Variants in ABCA1 observed in about 807,000 individuals in gnomAD.
ABCA1 encodes phospholipid-transporting ATPase ABCA1.
ABCA1 carries 133 observed loss-of-function variants against 262.5 expected under a neutral mutation model. That is an observed-to-expected ratio of 0.51 (90% CI 0.44 to 0.59). The LOEUF (loss-of-function observed/expected upper bound fraction) is 0.59, where lower values mean the gene tolerates loss of function less well. Among genes scored for constraint, ABCA1 ranks in the 20% least tolerant of loss-of-function variants. ABCA1 has a pLI of 0.00. For synonymous variants in ABCA1, 1,022 were observed against 1,043.5 expected (o/e 0.98, Z 0.40); for missense variants, 2,452 against 2,777.5 (o/e 0.88, Z 2.63).
chr9:104,824,556 G>A lies in ABCA1; in HGVS notation c.2565C>T (p.Pro855=). 1.2e-6 allele frequency: 2 copies of A among 1,613,922 alleles called. No individual in the cohort carries two copies. The highest frequency in any genetic ancestry group is 1.1e-5 in the South Asian group (1 of 91,070). Residue 855 remains proline (P), a synonymous_variant, in exon 18 of 50, where the codon CCC becomes CCT. Coordinates refer to ENST00000374736, the MANE Select transcript of ABCA1 (RefSeq NM_005502.4). The stretch of plus-strand genomic sequence containing the variant: ...AGGACTTGGTGCAAGGAAAATACCA[G>A]GGCCTGGGAATTCCGTACTGGCCTG... ...VFPGQYGIPR[P]WYFPCTKSYW...
intron 4 of ABCA1, 62 bp downstream of exon 4, chr9:104,884,365 C>T: frequency 4.4e-6 from 7 of 1,604,730 alleles, no homozygotes; most frequent in South Asian, 1.1e-5. Context: ...CTCCAGAGGA[C>T]AAGAAAGGAA....
chr9:104,890,662 G>C (rs1839646468), intron 2 of ABCA1, among the ~76,000 whole-genome samples: 1 of 151,604 alleles, frequency 6.6e-6, no homozygotes, highest in African/African-American at 2.4e-5. Context: ...ACGATCCGGA[G>C]ATCATAGCTC....
chr9:104,883,971 T>C (rs780572988), intron 4 of ABCA1, among the ~76,000 whole-genome samples: 22 of 152,182 alleles, frequency 1.4e-4, no homozygotes, highest in Admixed American at 3.3e-4. Context: ...GCAGACATTG[T>C]AGTCTGATGG....
At chr9:104,864,331 T>C (rs1836887080) in intron 5 of ABCA1, among the ~76,000 whole-genome samples, 1 of 151,924 alleles carries the variant, frequency 6.6e-6, no homozygotes, top group African/African-American at 2.4e-5. Flanking sequence ...ACAGGACTTC[T>C]AACCACTGGA....
chr9:104,785,450 G>A lies in ABCA1; in HGVS notation c.6591C>T (p.Ser2197=). 1 of 1,109,100 alleles carries A rather than the reference G, an allele frequency of 9.0e-7. No individual in the cohort carries two copies. The highest frequency in any genetic ancestry group is 1.3e-6 in the Non-Finnish European group (1 of 755,886). 68.7% of individuals were successfully genotyped at this position (1,109,100 alleles called of 1,614,324 possible). A position where few individuals can be genotyped will look rare whatever the true frequency, so the allele number is the denominator to read the frequency against. ...LARIFSILSQ[S]KKRLHIEDYS... is the part of the protein sequence containing the mutation. ...AGTCTTCTATGTGGAGTCGCTTTTT[G>A]CTCTGGGAGAGGATGCTGAATATCC... The change falls in exon 49 of 50, where the codon AGC becomes AGT. Residue 2197 remains serine (S), a synonymous_variant. Transcript: ENST00000374736.
chr9:104,864,924 G>A (rs917183002), intron 5 of ABCA1, among the ~76,000 whole-genome samples: 6 of 152,156 alleles, frequency 3.9e-5, no homozygotes, highest in Non-Finnish European at 5.9e-5. Flanking sequence ...TGAATCCCCC[G>A]GATGAGACAT....
At chr9:104,845,626 T>C (rs961560152) in intron 7 of ABCA1, 57 bp from the exon 8 acceptor site, 16 of 1,230,194 alleles carry the variant, frequency 1.3e-5, no homozygotes, top group East Asian at 2.3e-5. Context: ...GAAATCTCTA[T>C]TGGAAATAAA....
At position 104,832,567 on chromosome 9, in the gene ABCA1, G is replaced by C. The variant is rs1018476999; in HGVS notation, c.1509+7C>G. On this transcript the variant is annotated splice_region_variant and intron_variant, in intron 12 of 49. Transcript: ENST00000374736. ...TCTTTTCTAAATGATCCCAGCAACA[G>C]ATTCACCTCCATGAAGCGAGATATG... is the stretch of plus-strand genomic sequence containing the variant. 6.2e-7 allele frequency: 1 copy of C among 1,614,006 alleles called. No homozygotes were observed. The highest frequency in any genetic ancestry group is 8.5e-7 in the Non-Finnish European group (1 of 1,179,988).
intron 15 of ABCA1, among the ~76,000 whole-genome samples, chr9:104,827,565 T>C (rs960882186): frequency 6.6e-6 from 1 of 152,152 alleles, no homozygotes; most frequent in African/African-American, 2.4e-5. Flanking sequence ...CCAAGGAAAA[T>C]GGCCAGGCAA....
chr9:104,834,423 T>C (rs1389353529), intron 11 of ABCA1, among the ~76,000 whole-genome samples: 4 of 149,450 alleles, frequency 2.7e-5, no homozygotes, highest in Admixed American at 6.8e-5. Flanking sequence ...TTTGTTAACA[T>C]AACAGACACA....
At chr9:104,814,586 A>G (rs1172908812) in intron 25 of ABCA1, 111 bp from the exon 26 acceptor site, 17 of 1,087,826 alleles carry the variant, frequency 1.6e-5, no homozygotes, top group Non-Finnish European at 1.8e-5. Flanking sequence ...AAGACAGAGA[A>G]AGTAGAAGCC....
chr9:104,836,045 G>A (rs893821263), intron 11 of ABCA1, among the ~76,000 whole-genome samples: 1 of 152,214 alleles, frequency 6.6e-6, no homozygotes, highest in Non-Finnish European at 1.5e-5. Context: ...CTTTAGAGAA[G>A]AGACCCCACT....
At chr9:104,916,674 AACAAGTCCTTTTTTTTGTTTCTTG>A (rs1361392089) in intron 1 of ABCA1, among the ~76,000 whole-genome samples, 2 of 152,146 alleles carry the variant, frequency 1.3e-5, no homozygotes, top group Non-Finnish European at 2.9e-5. Context: ...TGGAACAGAA[AACAAGTCCTTTTTTTTGTTTCTTG>A]ACACAGAGTT....
rs550213066 is a variant in ABCA1, at chr9:104,860,248, C to T, written c.543+1431G>A. Among the ~76,000 whole-genome samples the T allele has an allele frequency of 1.1e-4, 16 of 152,190 alleles. No individual in the cohort carries two copies. In the South Asian group the frequency reaches 3.1e-3, roughly 30 times the overall value. Reference sequence around the variant, plus strand: ...AGAAACTCCAAGGACCATCCAAGGACCATCTCCATGCTTAGGATGCCCCTT... The same window carrying T: ...AGAAACTCCAAGGACCATCCAAGGATCATCTCCATGCTTAGGATGCCCCTT... On this transcript the variant is annotated intron_variant, in intron 6 of 49. Transcript: ENST00000374736.
At chr9:104,857,869 G>A (rs937373639) in intron 7 of ABCA1, among the ~76,000 whole-genome samples, 3 of 152,162 alleles carry the variant, frequency 2.0e-5, no homozygotes, top group Non-Finnish European at 4.4e-5. Context: ...AGAGCTCTCA[G>A]AACACCTAGA....
chr9:104,785,762 T>C lies in ABCA1; in HGVS notation c.6402-123A>G, dbSNP rs921189544. 6 of 1,153,462 alleles carry C rather than the reference T, an allele frequency of 5.2e-6. No individual in the cohort carries two copies. In the African/African-American group the frequency reaches 7.8e-5, roughly 15 times the overall value. 71.5% of individuals were successfully genotyped at this position (1,153,462 alleles called of 1,614,324 possible). A position where few individuals can be genotyped will look rare whatever the true frequency, so the allele number is the denominator to read the frequency against. On this transcript the variant is annotated intron_variant, in intron 48 of 49. Coordinates refer to ENST00000374736, the MANE Select transcript of ABCA1 (RefSeq NM_005502.4). Reference sequence around the variant, plus strand: ...GGCCCCTGGCAGGCCCAGAAATAAGTTTCTGAGAGAAGGAACCAGTTATCA... The same window carrying C: ...GGCCCCTGGCAGGCCCAGAAATAAGCTTCTGAGAGAAGGAACCAGTTATCA...
intron 3 of ABCA1, among the ~76,000 whole-genome samples, chr9:104,885,525 TTTG>T (rs938049640): frequency 3.9e-5 from 6 of 152,190 alleles, no homozygotes; most frequent in Non-Finnish European, 4.4e-5. Context: ...CTTCGGGGGT[TTTG>T]TTGTTATTAT....
At chr9:104,900,720 C>T (rs2118414005) in intron 2 of ABCA1, among the ~76,000 whole-genome samples, 1 of 152,350 alleles carries the variant, frequency 6.6e-6, no homozygotes, top group Middle Eastern at 3.4e-3. Flanking sequence ...CTGACCAACT[C>T]TGGGCACCTG....
chr9:104,796,852 C>A (rs1345918882), intron 37 of ABCA1, among the ~76,000 whole-genome samples: 1 of 152,204 alleles, frequency 6.6e-6, no homozygotes, highest in East Asian at 1.9e-4. Flanking sequence ...CTGCTCATAA[C>A]ATGAATGTCA....
Sources: allele counts gnomAD v4.1 joint callset (sites outside exome capture counted in the v4.1 genomes callset), GRCh38; gene constraint gnomAD v4.1.1; transcripts MANE v1.5; gene names NCBI Gene and HGNC (gene_info 2026-07-23, HGNC 2026-07-21).